Variants in AUTS2 observed in about 807,000 individuals in gnomAD.
AUTS2 encodes the protein autism susceptibility gene 2 protein.
Under a neutral mutation model 112.4 loss-of-function variants are expected in AUTS2, and 17 were observed. The ratio of observed to expected loss-of-function variants is 0.15; its 90% CI spans 0.10 to 0.23. The LOEUF is 0.23. AUTS2 is among the 10% of genes least tolerant of loss of function. The pLI is 1.00. For missense variants in AUTS2, 1,510 were observed against 1,701.6 expected, an observed-to-expected ratio of 0.89 and a Z score of 1.98; for synonymous variants, 751 against 702.7, an observed-to-expected ratio of 1.07 and a Z score of -1.09.
At chr7:70,547,347 C>A (rs916399636) in intron 5 of AUTS2, among the ~76,000 whole-genome samples, 5 of 152,168 alleles carry the variant, frequency 3.3e-5, no homozygotes, top group Non-Finnish European at 7.3e-5. Context: ...CTCCGCCTCC[C>A]GGGGTCAAGC....
At position 69,877,662 on chromosome 7, in the gene AUTS2, A is replaced by T. The variant is rs150459821; in HGVS notation, c.310-21624A>T. 2.5e-3 allele frequency among the ~76,000 whole-genome samples: 384 copies of T among 152,096 alleles called. 6 individuals carry two copies. The highest frequency in any genetic ancestry group is 7.6e-4 in the Non-Finnish European group (52 of 67,984). On this transcript the variant is annotated intron_variant, in intron 1 of 18. Transcript: ENST00000342771. Reference sequence around the variant, plus strand: ...GTCTTTTGTTGCCGTCTTTATTTCTATGAGTACCTAGTGTTTAGTTCCCAC... The same window carrying T: ...GTCTTTTGTTGCCGTCTTTATTTCTTTGAGTACCTAGTGTTTAGTTCCCAC...
intron 5 of AUTS2, among the ~76,000 whole-genome samples, chr7:70,669,039 C>A (rs1807498635): frequency 6.6e-6 from 1 of 152,226 alleles, no homozygotes; most frequent in South Asian, 2.1e-4. Flanking sequence ...CTTGTATTTT[C>A]TTTTCATTGT....
At chr7:70,139,021 A>G (rs1806714136) in intron 4 of AUTS2, among the ~76,000 whole-genome samples, 1 of 152,178 alleles carries the variant, frequency 6.6e-6, no homozygotes, top group Admixed American at 6.5e-5. Context: ...GCCATAGTGC[A>G]GTGGTGTAGT....
intron 5 of AUTS2, among the ~76,000 whole-genome samples, chr7:70,518,713 T>C (rs1799522228): frequency 6.6e-6 from 1 of 151,910 alleles, no homozygotes; most frequent in Non-Finnish European, 1.5e-5. Flanking sequence ...TCGTTTTGTT[T>C]GTTTGTTTGA....
chr7:70,596,178 G>T, intron 5 of AUTS2: 1 of 152,978 alleles, frequency 6.5e-6, no homozygotes, highest in South Asian at 1.8e-4. Context: ...GGCCGGGGCG[G>T]GGCTGGGGCG....
intron 1 of AUTS2, among the ~76,000 whole-genome samples, chr7:69,604,444 G>C (rs1792601537): frequency 6.6e-6 from 1 of 152,200 alleles, no homozygotes; most frequent in Non-Finnish European, 1.5e-5. Context: ...GATAAAGCCA[G>C]CACCTATGAA....
At chr7:70,556,834 C>G (rs899082242) in intron 5 of AUTS2, among the ~76,000 whole-genome samples, 1 of 152,172 alleles carries the variant, frequency 6.6e-6, no homozygotes, top group Non-Finnish European at 1.5e-5. Context: ...AAGCTGCATA[C>G]TAGTGCCTCA....
intron 2 of AUTS2, among the ~76,000 whole-genome samples, chr7:70,072,511 C>T (rs1025835749): frequency 1.3e-5 from 2 of 152,120 alleles, no homozygotes; most frequent in African/African-American, 4.8e-5. Flanking sequence ...TACATAGTCC[C>T]GAGGTTCAGC....
chr7:70,490,346 G>A (rs1326368328), intron 5 of AUTS2, among the ~76,000 whole-genome samples: 6 of 151,958 alleles, frequency 3.9e-5, no homozygotes, highest in Admixed American at 3.3e-4. Context: ...TGTTATCAGT[G>A]CAGATCTTAC....
chr7:70,475,609 A>G (rs1481525111), intron 5 of AUTS2, among the ~76,000 whole-genome samples: 1 of 152,220 alleles, frequency 6.6e-6, no homozygotes, highest in Non-Finnish European at 1.5e-5. Context: ...TACTAAGTCC[A>G]TTTGAAAAGA....
At chr7:69,808,685 C>T (rs1790414728) in intron 1 of AUTS2, among the ~76,000 whole-genome samples, 1 of 152,134 alleles carries the variant, frequency 6.6e-6, no homozygotes, top group African/African-American at 2.4e-5. Flanking sequence ...TGACCAGCTG[C>T]TCTCAGTGCA....
At chr7:69,807,847 A>C (rs1006141564) in intron 1 of AUTS2, among the ~76,000 whole-genome samples, 7 of 152,134 alleles carry the variant, frequency 4.6e-5, no homozygotes, top group Non-Finnish European at 1.0e-4. Context: ...CTAATCTTGC[A>C]AGTCAGACAC....
Position 70,694,681 on chromosome 7 carries a change from G to T in AUTS2, c.691-3888G>T, listed in dbSNP as rs1284671066. 2 of 147,672 alleles carry T rather than the reference G, an allele frequency of 1.4e-5. No homozygotes were observed. The highest frequency in any genetic ancestry group is 3.0e-5 in the Non-Finnish European group (2 of 66,354). The allele number at this position is 147,672 out of a possible 1,614,324, so 9.1% of individuals were successfully genotyped here. A position where few individuals can be genotyped will look rare whatever the true frequency, so the allele number is the denominator to read the frequency against. ...TGTTAGCCCCCGCCGCGCCAGCGCG[G>T]CCCCGCGCGCCGCAGGAGCGGCGGG... is the stretch of plus-strand genomic sequence containing the variant. On this transcript the variant is annotated intron_variant, in intron 5 of 18. Coordinates refer to ENST00000342771, the MANE Select transcript of AUTS2 (RefSeq NM_015570.4). The surrounding 1 kb of genome is among the most constrained non-coding windows in gnomAD (Gnocchi z 4.1).
At chr7:69,680,615 C>T (rs1197823855) in intron 1 of AUTS2, among the ~76,000 whole-genome samples, 3 of 152,154 alleles carry the variant, frequency 2.0e-5, no homozygotes, top group Non-Finnish European at 2.9e-5. Flanking sequence ...CCCTTGTTCC[C>T]TCCAGCCCCT....
intron 2 of AUTS2, among the ~76,000 whole-genome samples, chr7:69,988,790 C>T (rs1307256780): frequency 1.3e-5 from 2 of 152,154 alleles, no homozygotes; most frequent in Non-Finnish European, 2.9e-5. Context: ...ACACTGGCTT[C>T]CTGTTTAATT....
chr7:69,703,230 CT>C (rs1797900423), intron 1 of AUTS2, among the ~76,000 whole-genome samples: 4 of 152,112 alleles, frequency 2.6e-5, no homozygotes, highest in Non-Finnish European at 5.9e-5. Flanking sequence ...TAATTTTAAT[CT>C]GTGGTTTGCT....
At chr7:69,880,908 C>A (rs190120836) in intron 1 of AUTS2, among the ~76,000 whole-genome samples, 1 of 152,156 alleles carries the variant, frequency 6.6e-6, no homozygotes, top group Non-Finnish European at 1.5e-5. Context: ...AGGCAGAGAG[C>A]CTTGTCACTG....
At chr7:70,719,396 A>G (rs1471561061) in intron 6 of AUTS2, among the ~76,000 whole-genome samples, 1 of 152,168 alleles carries the variant, frequency 6.6e-6, no homozygotes, top group Non-Finnish European at 1.5e-5. Context: ...CTTCTCTCAA[A>G]TAGTATGTGG....
intron 4 of AUTS2, among the ~76,000 whole-genome samples, chr7:70,265,746 A>T (rs1787390918): frequency 6.6e-6 from 1 of 152,192 alleles, no homozygotes; most frequent in East Asian, 1.9e-4. Context: ...AAAACATTAT[A>T]TTATGGTCTT....
Sources: allele counts gnomAD v4.1 joint callset (sites outside exome capture counted in the v4.1 genomes callset), GRCh38; gene constraint gnomAD v4.1.1; non-coding constraint Gnocchi (gnomAD v3.1); transcripts MANE v1.5; gene names NCBI Gene and HGNC (gene_info 2026-07-23, HGNC 2026-07-21).